The following UGT1A8 variants were observed in gnomAD, a reference collection of about 807,000 sequenced individuals.
UGT1A8 encodes the protein UDP glucuronosyltransferase family 1 member A8, also known as UDP-glucuronosyltransferase 1A8.
Under a neutral mutation model 45.3 loss-of-function variants are expected in UGT1A8, and 39 were observed. The observed-to-expected ratio is 0.86, with a 90% CI of 0.67 to 1.12. The LOEUF is 1.12. UGT1A8 is among the 50% of genes most tolerant of loss of function. UGT1A8 has a pLI of 0.00. For missense variants in UGT1A8, 719 were observed against 664.9 expected (o/e 1.08, Z -0.90); for synonymous variants, 275 against 249.2 (o/e 1.10, Z -0.97).
In UGT1A8 at chr2:233,683,245, G is replaced by GT. The variant is rs555678771; in HGVS notation, c.855+64690dup. Among the ~76,000 whole-genome samples the GT allele has an allele frequency of 1.1e-4, 17 of 152,028 alleles. No individual in the cohort carries two copies. The South Asian group carries it at 3.3e-3, about 30-fold the overall frequency. ...TAAAATCTACTATCATGCTGGCTAT[G>GT]TTTTTTTATGTTAGATTTTTCTCTT... On this transcript the variant is annotated intron_variant, in intron 1 of 4. Transcript: ENST00000373450.
intron 1 of UGT1A8, among the ~76,000 whole-genome samples, chr2:233,650,263 C>T (rs1241152116): frequency 2.0e-5 from 3 of 152,178 alleles, no homozygotes; most frequent in African/African-American, 7.2e-5. Flanking sequence ...AGCCACCGTA[C>T]CTGGCCAAGG....
chr2:233,765,727 T>TA (rs1026006694), intron 1 of UGT1A8, among the ~76,000 whole-genome samples: 8 of 150,756 alleles, frequency 5.3e-5, no homozygotes, highest in Non-Finnish European at 1.0e-4. Context: ...ATAATAATAA[T>TA]AATAAATAAA....
Position 233,648,062 on chromosome 2 carries a change from C to T in UGT1A8, c.855+29500C>T, listed in dbSNP as rs2073646817. On this transcript the variant is annotated intron_variant, in intron 1 of 4. Transcript: ENST00000373450. ...AGATCACTGAATTGCACAGTGAAGA[C>T]TTCTTCAACCTTATACACCCTGGAG... is the stretch of plus-strand genomic sequence containing the variant. The T allele has an allele frequency of 6.4e-6, 10 of 1,567,948 alleles. No individual in the cohort carries two copies. In the South Asian group the frequency reaches 1.1e-4, roughly 17 times the overall value.
intron 1 of UGT1A8, among the ~76,000 whole-genome samples, chr2:233,694,985 A>T (rs550950022): frequency 2.0e-5 from 3 of 152,288 alleles, no homozygotes; most frequent in Admixed American, 2.0e-4. Context: ...TTATGTTGGG[A>T]ACATTCCCAT....
In UGT1A8 at chr2:233,724,595, A is replaced by G. The variant is rs1396568061; in HGVS notation, c.856-42439A>G. Among the ~76,000 whole-genome samples, 12 of 124,834 alleles carry G rather than the reference A, an allele frequency of 9.6e-5. 2 individuals are homozygous for G. In the East Asian group the frequency reaches 3.1e-3, roughly 32 times the overall value. The allele number at this position is 124,834 out of a possible 152,430, so 81.9% of individuals were successfully genotyped here. A position where few individuals can be genotyped will look rare whatever the true frequency, so the allele number is the denominator to read the frequency against. ...GGCAGAGGCGCTCCCCACATCTCAG[A>G]CGATGGGCGGCCGGGCAGAGACGCT... On this transcript the variant is annotated intron_variant, in intron 1 of 4. Coordinates refer to ENST00000373450, the MANE Select transcript of UGT1A8 (RefSeq NM_019076.5).
chr2:233,746,269 G>A (rs1473358649), intron 1 of UGT1A8, among the ~76,000 whole-genome samples: 3 of 151,774 alleles, frequency 2.0e-5, no homozygotes, highest in South Asian at 2.1e-4. Flanking sequence ...ACAAAACGCT[G>A]TGGGGATTCA....
intron 1 of UGT1A8, among the ~76,000 whole-genome samples, chr2:233,667,387 T>C (rs188624953): frequency 0.04 from 6,107 of 152,302 alleles, 145 homozygotes; most frequent in Non-Finnish European, 0.058. Flanking sequence ...TAATTCAAGA[T>C]GGATTAAAGA....
In UGT1A8 at chr2:233,747,979, T is replaced by C. The variant is rs1334158075; in HGVS notation, c.856-19055T>C. 3.7e-6 allele frequency: 6 copies of C among 1,613,558 alleles called. No homozygotes were observed. The East Asian group carries it at 1.3e-4, about 36-fold the overall frequency. ...CTTCTCAGCCATGCATCTGTGTGGCTGTTCCGAGGGGACTTTGTGATGGAT... is the reference window on the plus strand; with the variant it reads ...CTTCTCAGCCATGCATCTGTGTGGCCGTTCCGAGGGGACTTTGTGATGGAT... On this transcript the variant is annotated intron_variant, in intron 1 of 4. Transcript: ENST00000373450.
intron 1 of UGT1A8, among the ~76,000 whole-genome samples, chr2:233,650,158 C>A (rs966673229): frequency 6.6e-6 from 1 of 152,064 alleles, no homozygotes; most frequent in African/African-American, 2.4e-5. Flanking sequence ...TTAGTAGAGG[C>A]AGGGTTTCTC....
intron 1 of UGT1A8, among the ~76,000 whole-genome samples, chr2:233,630,946 A>G (rs1005626014): frequency 6.6e-6 from 1 of 150,682 alleles, no homozygotes; most frequent in Admixed American, 6.6e-5. Flanking sequence ...TCATTCCTTC[A>G]TCTACATTAG....
rs749953558 is a variant in UGT1A8, at chr2:233,682,638, T to C, written c.855+64076T>C. Reference sequence around the variant, plus strand: ...AATGTCTTAGAAATAGCCTCTGAAATTCTCCAAACCCCTGTCACGGCATAT... The same window carrying C: ...AATGTCTTAGAAATAGCCTCTGAAACTCTCCAAACCCCTGTCACGGCATAT... On this transcript the variant is annotated intron_variant, in intron 1 of 4. Coordinates refer to ENST00000373450, the MANE Select transcript of UGT1A8 (RefSeq NM_019076.5). 26 of 1,613,814 alleles carry C rather than the reference T, an allele frequency of 1.6e-5. No individual in the cohort carries two copies. The East Asian group carries it at 5.3e-4, about 33-fold the overall frequency.
intron 1 of UGT1A8, among the ~76,000 whole-genome samples, chr2:233,644,296 G>A (rs986064544): frequency 3.3e-5 from 5 of 152,160 alleles, no homozygotes; most frequent in Admixed American, 1.3e-4. Flanking sequence ...TGCTGGGCAC[G>A]GTGGCTCATG....
intron 1 of UGT1A8, among the ~76,000 whole-genome samples, chr2:233,746,704 G>A (rs1301844590): frequency 6.6e-6 from 1 of 151,714 alleles, no homozygotes; most frequent in African/African-American, 2.4e-5. Context: ...TAAATATTTG[G>A]TGGATAAGGG....
chr2:233,642,609 T>C (rs1289155597), intron 1 of UGT1A8, among the ~76,000 whole-genome samples: 3 of 152,306 alleles, frequency 2.0e-5, no homozygotes, highest in East Asian at 3.9e-4. Flanking sequence ...ATTGAAGAGT[T>C]AGGTGTTTAT....
chr2:233,762,102 G>T (rs1697968941), intron 1 of UGT1A8, among the ~76,000 whole-genome samples: 1 of 151,864 alleles, frequency 6.6e-6, no homozygotes, highest in Non-Finnish European at 1.5e-5. Flanking sequence ...GTTGTTGATT[G>T]TCCGCTTCAC....
chr2:233,703,659 G>T (rs568128054), intron 1 of UGT1A8, among the ~76,000 whole-genome samples: 1 of 151,826 alleles, frequency 6.6e-6, no homozygotes, highest in African/African-American at 2.4e-5. Context: ...ATTTCTTTTG[G>T]TTGCTGTTTC....
At chr2:233,718,198 T>C (rs545354446) in intron 1 of UGT1A8, among the ~76,000 whole-genome samples, 1 of 152,168 alleles carries the variant, frequency 6.6e-6, no homozygotes, top group African/African-American at 2.4e-5. Flanking sequence ...TCCCCGGAGC[T>C]TTTTTTTATA....
At chr2:233,756,223 T>G (rs1194154122) in intron 1 of UGT1A8, 1 of 152,204 alleles carries the variant, frequency 6.6e-6, no homozygotes, top group Non-Finnish European at 1.5e-5. Context: ...AAGGGATTAG[T>G]TTAGGACAAC....
At chr2:233,644,829 A>G (rs1356472156) in intron 1 of UGT1A8, among the ~76,000 whole-genome samples, 1 of 152,150 alleles carries the variant, frequency 6.6e-6, no homozygotes, top group Non-Finnish European at 1.5e-5. Flanking sequence ...ACCAGGTACT[A>G]TGAGTGCTCA....
Sources: gnomAD v4.1 joint callset for allele counts (sites outside exome capture counted in the v4.1 genomes callset) on GRCh38, gnomAD v4.1.1 for gene constraint, MANE v1.5 for transcripts, NCBI Gene and HGNC (gene_info 2026-07-23, HGNC 2026-07-21) for gene names.